Variants in NUSAP1 observed in about 807,000 individuals in gnomAD.
NUSAP1 encodes nucleolar and spindle associated protein 1.
Under a neutral mutation model 52.8 loss-of-function variants are expected in NUSAP1, and 32 were observed. The ratio of observed to expected loss-of-function variants is 0.61; its 90% CI spans 0.46 to 0.81. The LOEUF is 0.81. Among genes scored for constraint, NUSAP1 ranks in the 40% least tolerant of loss-of-function variants. The probability of loss-of-function intolerance (pLI) is 0.00; values close to 1 mark genes in which losing one functional copy is unlikely to be tolerated. For missense variants in NUSAP1, 499 were observed against 522.3 expected (o/e 0.96, Z 0.43); for synonymous variants, 195 against 183.1 (o/e 1.06, Z -0.52).
intron 9 of NUSAP1, among the ~76,000 whole-genome samples, chr15:41,376,469 T>G (rs1439534436): frequency 6.8e-6 from 1 of 147,830 alleles, no homozygotes; most frequent in South Asian, 2.2e-4. Context: ...AGGCGGATCA[T>G]GAGTTCAGGA....
chr15:41,345,391 C>T (rs2048526328), intron 2 of NUSAP1: 2 of 383,668 alleles, frequency 5.2e-6, no homozygotes, highest in East Asian at 1.8e-4. Flanking sequence ...TTTTTTAGCT[C>T]ATCTTGAAAA....
intron 4 of NUSAP1, among the ~76,000 whole-genome samples, 196 bp from the exon 5 acceptor site, chr15:41,355,843 A>C (rs960239111): frequency 1.5e-4 from 22 of 151,410 alleles, no homozygotes; most frequent in Non-Finnish European, 5.9e-5. Context: ...CGCCCGGCTG[A>C]CTTTTTGTAT....
intron 1 of NUSAP1, among the ~76,000 whole-genome samples, chr15:41,341,098 T>C (rs1055309645): frequency 6.6e-6 from 1 of 152,196 alleles, no homozygotes; most frequent in Non-Finnish European, 1.5e-5. Context: ...AGTCTTGCTC[T>C]ATCGCCCAGA....
intron 7 of NUSAP1, among the ~76,000 whole-genome samples, chr15:41,367,958 C>T (rs1033239424): frequency 2.0e-5 from 3 of 152,136 alleles, no homozygotes; most frequent in African/African-American, 7.2e-5. Flanking sequence ...TGTGGTGGCT[C>T]CCACCTGTAA....
At chr15:41,380,053 GAGCCTCCCTAGAGCTTA>G (rs1161512347) in intron 10 of NUSAP1, 23 bp from the exon 11 acceptor site, 1 of 1,445,852 alleles carries the variant, frequency 6.9e-7, no homozygotes. Context: ...ATCTGTTTTG[GAGCCTCCCTAGAGCTTA>G]ATGTGTGACC....
intron 1 of NUSAP1, among the ~76,000 whole-genome samples, chr15:41,334,878 T>C (rs549518377): frequency 1.3e-5 from 2 of 152,254 alleles, no homozygotes; most frequent in African/African-American, 2.4e-5. Flanking sequence ...GAATCAAGTA[T>C]TTATAGGTGA....
At chr15:41,335,667 T>C (rs2048096232) in intron 1 of NUSAP1, among the ~76,000 whole-genome samples, 1 of 140,770 alleles carries the variant, frequency 7.1e-6, no homozygotes, top group African/African-American at 2.6e-5. Flanking sequence ...ATAAATATAC[T>C]AAATATAAAT....
At chr15:41,338,042 C>G (rs1257616926) in intron 1 of NUSAP1, among the ~76,000 whole-genome samples, 7 of 150,024 alleles carry the variant, frequency 4.7e-5, no homozygotes, top group Admixed American at 2.0e-4. Context: ...AAGCGATTCT[C>G]CTGCCTCAGC....
chr15:41,374,700 G>C (rs1337398612), intron 8 of NUSAP1, among the ~76,000 whole-genome samples: 1 of 149,890 alleles, frequency 6.7e-6, no homozygotes, highest in African/African-American at 2.5e-5. Flanking sequence ...GCTAATTTTT[G>C]TATTTTAGTA....
chr15:41,372,036 G>C (rs991040118), intron 8 of NUSAP1, among the ~76,000 whole-genome samples: 2 of 152,108 alleles, frequency 1.3e-5, no homozygotes, highest in African/African-American at 2.4e-5. Context: ...CCAAAGTGCT[G>C]GGATTACAAG....
At chr15:41,346,840 TAAATAAATA>T (rs1261671338) in intron 2 of NUSAP1, among the ~76,000 whole-genome samples, 3 of 70,280 alleles carry the variant, frequency 4.3e-5, no homozygotes, top group African/African-American at 1.9e-4. Flanking sequence ...AATAAATAAA[TAAATAAATA>T]AATAAATAAA....
chr15:41,351,270 T>C lies in NUSAP1; in HGVS notation c.448+141T>C, dbSNP rs139336734. The stretch of plus-strand genomic sequence containing the variant: ...AGAACAACAGAAATTTACTCTTTCA[T>C]AGTTCTAGAGGCTGGAAGTCCAAAA... On this transcript the variant is annotated intron_variant, in intron 4 of 10. Coordinates refer to ENST00000559596, the MANE Select transcript of NUSAP1 (RefSeq NM_016359.5). 1.1e-3 allele frequency: 864 copies of C among 814,996 alleles called. 7 individuals are homozygous for C. In the African/African-American group the frequency reaches 0.014, roughly 13 times the overall value. 50.5% of individuals were successfully genotyped at this position (814,996 alleles called of 1,614,324 possible). A position where few individuals can be genotyped will look rare whatever the true frequency, so the allele number is the denominator to read the frequency against.
intron 5 of NUSAP1, among the ~76,000 whole-genome samples, chr15:41,357,569 G>A (rs896471981): frequency 5.9e-5 from 9 of 151,482 alleles, no homozygotes; most frequent in African/African-American, 1.5e-4. Context: ...TCAGTGTCCC[G>A]AGTAGCTGGG....
chr15:41,334,698 G>A (rs2048053765), intron 1 of NUSAP1, among the ~76,000 whole-genome samples: 2 of 54,064 alleles, frequency 3.7e-5, no homozygotes, highest in African/African-American at 1.6e-4. Context: ...TCCTTTATCT[G>A]CCTGGCTGTG....
At chr15:41,378,944 G>GATTTTTTTTTTTTTTTTT (rs1253258207) in intron 10 of NUSAP1, among the ~76,000 whole-genome samples, 1 of 63,270 alleles carries the variant, frequency 1.6e-5, no homozygotes, top group Non-Finnish European at 2.7e-5. Context: ...ACTTATCTTG[G>GATTTTTTTTTTTTTTTTT]TTTTTTTTTT....
Position 41,375,874 on chromosome 15 carries a change from A to T in NUSAP1, c.1123+46A>T, listed in dbSNP as rs1184126930. The stretch of plus-strand genomic sequence containing the variant: ...CTACAGGGCCTGTAAAATACTTAAG[A>T]TTGGTGGGACGCAGTGGCTCACACC... On this transcript the variant is annotated intron_variant, in intron 9 of 10. Coordinates refer to ENST00000559596, the MANE Select transcript of NUSAP1 (RefSeq NM_016359.5). The T allele has an allele frequency of 2.2e-6, 3 of 1,353,720 alleles. No individual in the cohort carries two copies. The African/African-American group carries it at 4.3e-5, about 19-fold the overall frequency. The allele number at this position is 1,353,720 out of a possible 1,614,324, so 83.9% of individuals were successfully genotyped here. A position where few individuals can be genotyped will look rare whatever the true frequency, so the allele number is the denominator to read the frequency against.
chr15:41,355,113 G>T (rs770336586), intron 4 of NUSAP1, among the ~76,000 whole-genome samples: 2 of 151,944 alleles, frequency 1.3e-5, no homozygotes, highest in Non-Finnish European at 2.9e-5. Flanking sequence ...GCCTCCCAAA[G>T]TGCTGGGATT....
chr15:41,342,461 A>C lies in NUSAP1; in HGVS notation c.162+7A>C. ...AAAAGGAAATGAGAATCAGGTGAGT[A>C]ATGTTTTTCATGTTTACCTGTTAGC... On this transcript the variant is annotated splice_region_variant and intron_variant, in intron 2 of 10. Transcript: ENST00000559596. The C allele has an allele frequency of 1.9e-6, 3 of 1,569,984 alleles. No homozygotes were observed. The highest frequency in any genetic ancestry group is 2.6e-6 in the Non-Finnish European group (3 of 1,155,102).
intron 7 of NUSAP1, among the ~76,000 whole-genome samples, chr15:41,370,025 C>G (rs555847524): frequency 6.6e-6 from 1 of 150,904 alleles, no homozygotes; most frequent in Non-Finnish European, 1.5e-5. Flanking sequence ...GCCGAGATCA[C>G]GCCACTGCAC....
Sources: gnomAD v4.1 joint callset for allele counts (sites outside exome capture counted in the v4.1 genomes callset) on GRCh38, gnomAD v4.1.1 for gene constraint, MANE v1.5 for transcripts, NCBI Gene and HGNC (gene_info 2026-07-23, HGNC 2026-07-21) for gene names.